MYO16: variants seen among roughly 807,000 people sequenced by gnomAD.
MYO16 encodes the protein myosin XVI, also known as unconventional myosin-XVI.
MYO16 carries 94 observed loss-of-function variants against 205.3 expected under a neutral mutation model. The observed-to-expected ratio is 0.46, with a 90% confidence interval of 0.39 to 0.54. The LOEUF is 0.54. Ranked by LOEUF, MYO16 falls within the 20% of genes least tolerant of loss-of-function variation. The pLI, the probability that MYO16 is intolerant of heterozygous loss-of-function variation, is 0.00. For synonymous variants in MYO16, 988 were observed against 954.0 expected (o/e 1.04, Z -0.66); for missense variants, 2,315 against 2,387.5 (o/e 0.97, Z 0.63).
rs557419679 is a variant in MYO16 at position 108,888,307 on chromosome 13, A to G, written c.1554-65A>G. ...GTTCCTTCAAAGTAGTTTCAAAGGA[A>G]CAAAGGAACAAGCTTTGAAGCAAAG... On this transcript the variant is annotated intron_variant, in intron 13 of 34. Transcript: ENST00000457511. 25 of 1,143,788 alleles carry G rather than the reference A, an allele frequency of 2.2e-5. No homozygotes were observed. The African/African-American group carries it at 3.5e-4, about 16-fold the overall frequency. The allele number at this position is 1,143,788 out of a possible 1,614,324, so 70.9% of individuals were successfully genotyped here. A position where few individuals can be genotyped will look rare whatever the true frequency, so the allele number is the denominator to read the frequency against.
At chr13:108,934,211 A>G (rs1882380734) in intron 16 of MYO16, among the ~76,000 whole-genome samples, 2 of 152,190 alleles carry the variant, frequency 1.3e-5, no homozygotes, top group South Asian at 2.1e-4. Flanking sequence ...ATTCCCACCA[A>G]CAGTGTATAA....
At chr13:108,762,649 A>G (rs1218379643) in intron 4 of MYO16, among the ~76,000 whole-genome samples, 3 of 152,218 alleles carry the variant, frequency 2.0e-5, no homozygotes, top group Non-Finnish European at 2.9e-5. Flanking sequence ...TTCTTATACC[A>G]CATTTGCATT....
At chr13:108,953,641 A>G (rs1260002257) in intron 16 of MYO16, among the ~76,000 whole-genome samples, 1 of 151,350 alleles carries the variant, frequency 6.6e-6, no homozygotes, top group South Asian at 2.1e-4. Context: ...ATATTTTACC[A>G]TGCATATTTT....
intron 10 of MYO16, among the ~76,000 whole-genome samples, chr13:108,853,146 C>T (rs954400199): frequency 3.3e-5 from 5 of 152,220 alleles, no homozygotes; most frequent in African/African-American, 7.2e-5. Context: ...CTTCTATGGT[C>T]GCGCCTCTCT....
intron 20 of MYO16, among the ~76,000 whole-genome samples, chr13:108,986,056 A>AAG (rs1385554450): frequency 6.6e-6 from 1 of 152,302 alleles, no homozygotes; most frequent in Non-Finnish European, 1.5e-5. Context: ...GGCAGCAGGC[A>AAG]AGAGAGCGTG....
chr13:108,849,899 TA>T (rs1437771899), intron 10 of MYO16, among the ~76,000 whole-genome samples: 14 of 144,070 alleles, frequency 9.7e-5, no homozygotes, highest in Admixed American at 2.8e-4. Flanking sequence ...TTTTTTTTTT[TA>T]ACTCATCCAT....
chr13:109,013,463 T>A (rs1270640329), intron 22 of MYO16, among the ~76,000 whole-genome samples: 1 of 152,208 alleles, frequency 6.6e-6, no homozygotes, highest in Non-Finnish European at 1.5e-5. Context: ...TGGTTTATAA[T>A]CCTTTGGGTA....
At chr13:108,630,774 G>C (rs1407671757) in intron 1 of MYO16, among the ~76,000 whole-genome samples, 1 of 152,174 alleles carries the variant, frequency 6.6e-6, no homozygotes, top group Admixed American at 6.5e-5. Context: ...CACATGTGTT[G>C]AATGAATCTT....
At chr13:108,795,494 T>C (rs192609053) in intron 6 of MYO16, among the ~76,000 whole-genome samples, 2 of 152,256 alleles carry the variant, frequency 1.3e-5, no homozygotes, top group African/African-American at 2.4e-5. Context: ...AGGTGTGAGT[T>C]ACCGCGCCTG....
Position 108,656,317 on chromosome 13 carries a change from G to A in MYO16, c.29-9569G>A, listed in dbSNP as rs117219263. On this transcript the variant is annotated intron_variant, in intron 1 of 34. Coordinates refer to ENST00000457511, the MANE Select transcript of MYO16 (RefSeq NM_001198950.3). Reference sequence around the variant, plus strand: ...TTTTGCATCTTCCTCATTTTCTCTCGCCACTGCCATGTTAAGAAGTGCCTT... The same window carrying A: ...TTTTGCATCTTCCTCATTTTCTCTCACCACTGCCATGTTAAGAAGTGCCTT... Among the ~76,000 whole-genome samples the A allele has an allele frequency of 8.4e-3, 1,285 of 152,150 alleles. 16 individuals carry two copies. The highest frequency in any genetic ancestry group is 0.013 in the Non-Finnish European group (856 of 68,008).
intron 16 of MYO16, among the ~76,000 whole-genome samples, chr13:108,918,929 C>T (rs368467095): frequency 3.4e-5 from 5 of 145,788 alleles, no homozygotes; most frequent in South Asian, 2.2e-4. Flanking sequence ...GCAACAAGAG[C>T]GAGACTCTGT....
At chr13:108,732,038 A>G (rs952245872) in intron 4 of MYO16, among the ~76,000 whole-genome samples, 1 of 152,246 alleles carries the variant, frequency 6.6e-6, no homozygotes, top group Non-Finnish European at 1.5e-5. Flanking sequence ...ATAAATGTTG[A>G]TAAAATATGT....
chr13:108,866,913 C>T (rs967990634), intron 12 of MYO16, among the ~76,000 whole-genome samples: 2 of 151,982 alleles, frequency 1.3e-5, no homozygotes, highest in African/African-American at 4.8e-5. Flanking sequence ...ATGTGGCGGG[C>T]AGGGAGGAGG....
upstream of MYO16, among the ~76,000 whole-genome samples, chr13:108,627,957 A>G (rs185296480): frequency 4.8e-4 from 73 of 152,336 alleles, 2 homozygotes; most frequent in East Asian, 8.5e-3. Context: ...CTACATGGAT[A>G]CAACCTTACC....
intron 20 of MYO16, among the ~76,000 whole-genome samples, chr13:108,978,940 T>A (rs1168296028): frequency 6.6e-6 from 1 of 151,976 alleles, no homozygotes; most frequent in Non-Finnish European, 1.5e-5. Context: ...TCCACTTTGA[T>A]ATTTTTAATT....
In MYO16 at chr13:108,888,460, G is replaced by A. The variant is rs199515638; in HGVS notation, c.1642G>A (p.Asp548Asn). The A allele has an allele frequency of 2.5e-6, 4 of 1,598,292 alleles. No individual in the cohort carries two copies. The highest frequency in any genetic ancestry group is 1.1e-5 in the South Asian group (1 of 87,204). ...GGCTGGCGCCAGCAGGGCCACACTG[G>A]ATTCCAGATTCAAACATGTAAGTTT... ...CRAGASRATL[D>N]SRFKHVVCIL... Residue 548 changes from aspartate (D) to asparagine (N), a missense_variant, in exon 14 of 35, where the codon GAT becomes AAT. Asp to Asn is a conservative substitution (Grantham distance 23). Around this residue, in one of 3 missense-constraint regions of MYO16, gnomAD observed 1,213 missense variants for 1,274.4 expected, o/e 0.95. Coordinates refer to ENST00000457511, the MANE Select transcript of MYO16 (RefSeq NM_001198950.3).
At chr13:108,821,932 T>C (rs561100258) in intron 8 of MYO16, among the ~76,000 whole-genome samples, 2 of 152,294 alleles carry the variant, frequency 1.3e-5, no homozygotes, top group South Asian at 4.1e-4. Context: ...GATTTGCTAC[T>C]TGAATAAAAA....
chr13:109,155,859 A>G lies in MYO16; in HGVS notation c.5165-9042A>G, dbSNP rs552832596. Among the ~76,000 whole-genome samples the G allele has an allele frequency of 5.3e-5, 8 of 152,330 alleles. No homozygotes were observed. The South Asian group carries it at 1.7e-3, about 32-fold the overall frequency. On this transcript the variant is annotated intron_variant, in intron 32 of 34. Coordinates refer to ENST00000457511, the MANE Select transcript of MYO16 (RefSeq NM_001198950.3). ...ACTGAACTCTCTCTTCTTGAGTTTC[A>G]GATTAGCCTCTGTGGTTCTTTACAT...
chr13:108,898,349 T>TGA (rs1157537159), intron 15 of MYO16, among the ~76,000 whole-genome samples: 2 of 108,746 alleles, frequency 1.8e-5, no homozygotes, highest in Non-Finnish European at 3.6e-5. Context: ...TGAGGGTGTG[T>TGA]GAGTGTGTGT....
Sources: allele counts gnomAD v4.1 joint callset (sites outside exome capture counted in the v4.1 genomes callset), GRCh38; gene constraint gnomAD v4.1.1; regional missense constraint gnomAD v4.1.1; transcripts MANE v1.5; gene names NCBI Gene and HGNC (gene_info 2026-07-23, HGNC 2026-07-21).